MCUB: variants seen among roughly 807,000 people sequenced by gnomAD.
The protein encoded by MCUB is mitochondrial calcium uniporter dominant negative subunit beta.
Under a neutral mutation model 41.4 loss-of-function variants are expected in MCUB, and 46 were observed. The ratio of observed to expected loss-of-function variants is 1.11; its 90% confidence interval spans 0.88 to 1.42. The LOEUF (loss-of-function observed/expected upper bound fraction) is 1.42, where lower values mean the gene tolerates loss of function less well. Among genes scored for constraint, MCUB ranks in the 40% most tolerant of loss-of-function variants. MCUB has a pLI of 0.00. For synonymous variants in MCUB, 148 were observed against 148.2 expected (o/e 1.00, Z 0.01); for missense variants, 403 against 404.9 (o/e 1.00, Z 0.04).
In MCUB at chr4:109,637,655, A is replaced by G. The variant is rs115584301; in HGVS notation, c.100-21356A>G. 3.2e-3 allele frequency among the ~76,000 whole-genome samples: 489 copies of G among 152,336 alleles called. 2 individuals carry two copies. Among genetic ancestry groups the G allele is most frequent in the African/African-American group, 0.011 (463 of 41,568 alleles). On this transcript the variant is annotated intron_variant, in intron 1 of 7. Coordinates refer to ENST00000394650, the MANE Select transcript of MCUB (RefSeq NM_017918.5). ...TCTAAGTGAAGTAACTCAGGAATGGAAAACCAAACATTTTTGTTCTCATTC... is the reference window on the plus strand; with the variant it reads ...TCTAAGTGAAGTAACTCAGGAATGGGAAACCAAACATTTTTGTTCTCATTC...
At chr4:109,618,275 A>G (rs1421127425) in intron 1 of MCUB, among the ~76,000 whole-genome samples, 1 of 152,152 alleles carries the variant, frequency 6.6e-6, no homozygotes, top group Non-Finnish European at 1.5e-5. Context: ...CAACCCTCAA[A>G]TGGTTGAATA....
At chr4:109,628,784 G>A (rs141241787) in intron 1 of MCUB, among the ~76,000 whole-genome samples, 1 of 152,354 alleles carries the variant, frequency 6.6e-6, no homozygotes, top group African/African-American at 2.4e-5. Context: ...AGAGGGCAAA[G>A]TGAGGTTCTA....
chr4:109,656,957 C>T (rs530832379), intron 1 of MCUB, among the ~76,000 whole-genome samples: 19 of 152,242 alleles, frequency 1.2e-4, no homozygotes, highest in African/African-American at 4.1e-4. Flanking sequence ...TGGTGGGTCA[C>T]GCCTGTAATC....
At chr4:109,596,231 C>A (rs1727552238) in intron 1 of MCUB, among the ~76,000 whole-genome samples, 1 of 66,776 alleles carries the variant, frequency 1.5e-5, no homozygotes, top group African/African-American at 6.4e-5. Context: ...CCTCCCAGAT[C>A]CCCCGGTGAG....
At chr4:109,566,243 G>C (rs1162284547) in intron 1 of MCUB, among the ~76,000 whole-genome samples, 1 of 151,456 alleles carries the variant, frequency 6.6e-6, no homozygotes, top group Non-Finnish European at 1.5e-5. Flanking sequence ...GCCAAGGTGG[G>C]CAGATCACGA....
intron 1 of MCUB, among the ~76,000 whole-genome samples, chr4:109,614,884 G>A (rs1579066660): frequency 6.6e-6 from 1 of 152,032 alleles, no homozygotes; most frequent in African/African-American, 2.4e-5. Context: ...CATAGTAGTC[G>A]CTTCTCTGGA....
At chr4:109,610,211 G>A (rs531510352) in intron 1 of MCUB, among the ~76,000 whole-genome samples, 72 of 152,276 alleles carry the variant, frequency 4.7e-4, no homozygotes, top group African/African-American at 1.7e-3. Flanking sequence ...CAGAAATACC[G>A]TCTAAGAGCC....
At position 109,684,518 on chromosome 4, in the gene MCUB, A is replaced by G. The variant is rs781263035; in HGVS notation, c.688A>G (p.Ile230Val). The change falls in exon 6 of 8, where the codon ATT becomes GTT. Residue 230 changes from isoleucine (I) to valine (V), a missense_variant. Physicochemically the swap from Ile to Val is conservative, Grantham distance 29. Coordinates refer to ENST00000394650, the MANE Select transcript of MCUB (RefSeq NM_017918.5). Reference protein sequence around the residue: ...LLWAGLALLSIQGGALAWLTW... With the variant: ...LLWAGLALLSVQGGALAWLTW... ...GTGGGCTGGATTGGCACTGCTGTCCATTCAGGGTGGGGCACTGGCCTGGCT... is the reference window on the plus strand; with the variant it reads ...GTGGGCTGGATTGGCACTGCTGTCCGTTCAGGGTGGGGCACTGGCCTGGCT... The G allele has an allele frequency of 1.2e-6, 2 of 1,614,016 alleles. No individual in the cohort carries two copies. Among genetic ancestry groups the G allele is most frequent in the South Asian group, 2.2e-5 (2 of 91,078 alleles).
intron 1 of MCUB, among the ~76,000 whole-genome samples, chr4:109,607,203 A>T (rs1238334643): frequency 1.5e-5 from 2 of 133,130 alleles, no homozygotes; most frequent in African/African-American, 5.3e-5. Context: ...TTGCTCATTA[A>T]CATCCTTTTC....
rs193072549 is a variant in MCUB, at chr4:109,666,214, G to A, written c.451+1820G>A. ...TTTATTCACCTACTGAAGGACATCTGGGATACTTCCAAGTTTTGGCAATTA... is the reference window on the plus strand; with the variant it reads ...TTTATTCACCTACTGAAGGACATCTAGGATACTTCCAAGTTTTGGCAATTA... On this transcript the variant is annotated intron_variant, in intron 4 of 7. Transcript: ENST00000394650. Among the ~76,000 whole-genome samples the A allele has an allele frequency of 1.2e-3, 177 of 152,278 alleles. No homozygotes were observed. The Middle Eastern group carries it at 0.02, about 18-fold the overall frequency.
Position 109,682,736 on chromosome 4 carries a change from T to A in MCUB, c.606T>A (p.Leu202=), listed in dbSNP as rs3733612. The change falls in exon 5 of 8, where the codon CTT becomes CTA. Residue 202 remains leucine (L), a synonymous_variant. Transcript: ENST00000394650. ...IDHLKEQLQP[L]EQVKAGIEAH... ...ACCTGAAGGAACAGCTGCAGCCCCTTGAACAGGTTAGGAAGCATCACGGTT... is the reference window on the plus strand; with the variant it reads ...ACCTGAAGGAACAGCTGCAGCCCCTAGAACAGGTTAGGAAGCATCACGGTT... The A allele has an allele frequency of 2.7e-3, 4,313 of 1,612,656 alleles. 68 individuals carry two copies. Among genetic ancestry groups the A allele is most frequent in the East Asian group, 0.021 (957 of 44,864 alleles).
At chr4:109,643,113 A>G (rs1400969928) in intron 1 of MCUB, among the ~76,000 whole-genome samples, 1 of 151,482 alleles carries the variant, frequency 6.6e-6, no homozygotes, top group Non-Finnish European at 1.5e-5. Flanking sequence ...AGATTTTAAT[A>G]CGGGAAACAA....
At chr4:109,644,163 T>C (rs1728782365) in intron 1 of MCUB, among the ~76,000 whole-genome samples, 1 of 152,190 alleles carries the variant, frequency 6.6e-6, no homozygotes, top group South Asian at 2.1e-4. Context: ...TGTATGTTAG[T>C]ATAGTATGTG....
intron 1 of MCUB, among the ~76,000 whole-genome samples, chr4:109,637,618 G>T (rs1454476356): frequency 6.6e-6 from 1 of 152,214 alleles, no homozygotes; most frequent in African/African-American, 2.4e-5. Flanking sequence ...GGATGGAATT[G>T]TAGACTAATA....
intron 1 of MCUB, among the ~76,000 whole-genome samples, chr4:109,639,940 G>T (rs918498509): frequency 6.6e-6 from 1 of 152,166 alleles, no homozygotes; most frequent in East Asian, 1.9e-4. Context: ...CAGGTGTCAC[G>T]TGCGTTTGTA....
intron 1 of MCUB, among the ~76,000 whole-genome samples, chr4:109,612,295 C>T (rs1216260835): frequency 1.5e-5 from 2 of 135,618 alleles, no homozygotes; most frequent in Non-Finnish European, 3.1e-5. Flanking sequence ...GAGCGTCTCA[C>T]TCAGCCAGCC....
chr4:109,685,501 G>C, intron 7 of MCUB, 134 bp downstream of exon 7: 1 of 488,842 alleles, frequency 2.0e-6, no homozygotes, highest in Non-Finnish European at 3.7e-6. Context: ...ATTGTTCATT[G>C]AAATGGTTGA....
intron 1 of MCUB, among the ~76,000 whole-genome samples, chr4:109,642,928 C>G (rs1178522755): frequency 7.4e-6 from 1 of 135,518 alleles, no homozygotes; most frequent in East Asian, 2.1e-4. Flanking sequence ...TGGAGTCTTG[C>G]ACCATCACCC....
chr4:109,668,976 A>C (rs980574517), intron 4 of MCUB, among the ~76,000 whole-genome samples: 7 of 152,074 alleles, frequency 4.6e-5, no homozygotes. Flanking sequence ...CATTCATTTC[A>C]GTGATTCATA....
Sources: allele counts gnomAD v4.1 joint callset (sites outside exome capture counted in the v4.1 genomes callset), GRCh38; gene constraint gnomAD v4.1.1; transcripts MANE v1.5; gene names NCBI Gene and HGNC (gene_info 2026-07-23, HGNC 2026-07-21).